DRC8: variants seen among roughly 807,000 people sequenced by gnomAD.
The protein encoded by DRC8 is dynein regulatory complex subunit 8.
the DRC8 span, among the ~76,000 whole-genome samples, chr1:245,084,058 TTCCG>T: frequency 3.7e-3 from 112 of 30,024 alleles, no homozygotes; most frequent in South Asian, 5.4e-3. Flanking sequence ...AATATAAAAA[TTCCG>T]CCCCCCCCCC....
the DRC8 span, among the ~76,000 whole-genome samples, chr1:245,120,281 A>G: frequency 2.0e-5 from 3 of 152,156 alleles, no homozygotes; most frequent in South Asian, 2.1e-4. Context: ...CCCTTCACGC[A>G]TCTCTACACA....
the DRC8 span, among the ~76,000 whole-genome samples, chr1:245,098,317 G>T: frequency 6.6e-6 from 1 of 152,118 alleles, no homozygotes; most frequent in Non-Finnish European, 1.5e-5. Context: ...AGAGCCTGGG[G>T]TTGGAGTGGT....
At chr1:244,973,051 A>G in the DRC8 span, among the ~76,000 whole-genome samples, 1 of 152,216 alleles carries the variant, frequency 6.6e-6, no homozygotes, top group Non-Finnish European at 1.5e-5. Context: ...TTGAATTTTC[A>G]GAAATTACGT....
At chr1:244,977,582 C>G in the DRC8 span, among the ~76,000 whole-genome samples, 1 of 152,020 alleles carries the variant, frequency 6.6e-6, no homozygotes, top group African/African-American at 2.4e-5. Flanking sequence ...TTTGGAGCCC[C>G]CATCCCTCTG....
chr1:245,117,302 C>G, the DRC8 span, among the ~76,000 whole-genome samples: 2 of 151,780 alleles, frequency 1.3e-5, no homozygotes, highest in Admixed American at 6.6e-5. Flanking sequence ...GATCCACCTG[C>G]CTCAGCCTCC....
At chr1:244,996,767 A>G in the DRC8 span, among the ~76,000 whole-genome samples, 5 of 152,310 alleles carry the variant, frequency 3.3e-5, no homozygotes, top group East Asian at 7.7e-4. Context: ...TTTCTTCATT[A>G]TACTTATGTT....
chr1:245,049,499 A>G, the DRC8 span, among the ~76,000 whole-genome samples: 2 of 152,208 alleles, frequency 1.3e-5, no homozygotes, highest in Admixed American at 1.3e-4. This position sits in a 1 kb window ranked among gnomAD's most constrained non-coding sequence, Gnocchi z 4.5. Context: ...TGTGATATAA[A>G]AGTGAGAATC....
chr1:245,125,083 T>G, the DRC8 span: 1 of 152,306 alleles, frequency 6.6e-6, no homozygotes, highest in South Asian at 2.1e-4. Flanking sequence ...TCACACCACT[T>G]CGTTCCACTG....
the DRC8 span, among the ~76,000 whole-genome samples, chr1:245,057,880 C>A: frequency 1.3e-5 from 2 of 152,144 alleles, no homozygotes; most frequent in Non-Finnish European, 2.9e-5. Flanking sequence ...AATACTGGAA[C>A]TTACTCCTTC....
At chr1:245,059,536 C>G in the DRC8 span, 1 of 1,323,896 alleles carries the variant, frequency 7.6e-7, no homozygotes, top group Non-Finnish European at 1.1e-6. Context: ...CAATCCTTAC[C>G]GGAAACTAAA....
At chr1:245,021,371 G>T in the DRC8 span, among the ~76,000 whole-genome samples, 477 of 152,012 alleles carry the variant, frequency 3.1e-3, 2 homozygotes, top group Non-Finnish European at 5.7e-3. Context: ...AACAATATTA[G>T]CTTGGGATTT....
the DRC8 span, among the ~76,000 whole-genome samples, chr1:245,009,405 A>G: frequency 6.6e-6 from 1 of 151,718 alleles, no homozygotes; most frequent in African/African-American, 2.4e-5. Flanking sequence ...TTGAAATTAT[A>G]TCATCTAAAA....
chr1:245,108,516 C>T, the DRC8 span, among the ~76,000 whole-genome samples: 1 of 152,162 alleles, frequency 6.6e-6, no homozygotes, highest in Non-Finnish European at 1.5e-5. Context: ...AGGATTCTAG[C>T]CTCAGCTCAA....
chr1:245,028,055 C>A, the DRC8 span, among the ~76,000 whole-genome samples: 1 of 152,016 alleles, frequency 6.6e-6, no homozygotes, highest in African/African-American at 2.4e-5. Context: ...CCACACCCAG[C>A]TAAATTTTAG....
the DRC8 span, among the ~76,000 whole-genome samples, chr1:245,101,038 C>A: frequency 2.0e-5 from 3 of 152,058 alleles, no homozygotes; most frequent in African/African-American, 7.2e-5. Flanking sequence ...GCACCCACCA[C>A]CACGCCCGAC....
At chr1:245,038,328 G>C in the DRC8 span, among the ~76,000 whole-genome samples, 8 of 152,140 alleles carry the variant, frequency 5.3e-5, no homozygotes, top group Non-Finnish European at 1.5e-5. Context: ...AAATTAGCTG[G>C]GCATGGTGGC....
chr1:245,024,551 CT>C, the DRC8 span, among the ~76,000 whole-genome samples: 115 of 140,638 alleles, frequency 8.2e-4, no homozygotes, highest in Admixed American at 9.3e-4. Flanking sequence ...TTTTCTTTCT[CT>C]TTTTTTTTTT....
At chr1:245,042,314 A>G in the DRC8 span, among the ~76,000 whole-genome samples, 1 of 152,248 alleles carries the variant, frequency 6.6e-6, no homozygotes, top group Admixed American at 6.5e-5. Context: ...ACTCTAGCAC[A>G]TAGGACTATA....
chr1:245,084,067 C>CCA, the DRC8 span, among the ~76,000 whole-genome samples: 379 of 118,200 alleles, frequency 3.2e-3, 46 homozygotes, highest in Non-Finnish European at 5.9e-3. Flanking sequence ...ATTCCGCCCC[C>CCA]CCCCCGGCGC....
Sources: gnomAD v4.1 joint callset for allele counts (sites outside exome capture counted in the v4.1 genomes callset) on GRCh38, gnomAD v4.1.1 for gene constraint, Gnocchi (gnomAD v3.1) non-coding constraint, MANE v1.5 for transcripts, NCBI Gene and HGNC (gene_info 2026-07-23, HGNC 2026-07-21) for gene names.